The following ERICH6 variants were observed in gnomAD, a reference collection of about 807,000 sequenced individuals.
ERICH6 encodes glutamate-rich protein 6.
ERICH6 carries 71 observed loss-of-function variants against 71.0 expected under a neutral mutation model. The ratio of observed to expected loss-of-function variants is 1.00; its 90% CI spans 0.83 to 1.22. ERICH6 has a LOEUF of 1.22. ERICH6 is among the 50% of genes most tolerant of loss of function. The probability of loss-of-function intolerance (pLI) is 0.00; values close to 1 mark genes in which losing one functional copy is unlikely to be tolerated. For missense variants in ERICH6, 808 were observed against 797.2 expected (o/e 1.01, Z -0.16); for synonymous variants, 262 against 278.4 (o/e 0.94, Z 0.59).
intron 13 of ERICH6, among the ~76,000 whole-genome samples, chr3:150,664,266 A>C (rs1222653181): frequency 1.3e-5 from 2 of 152,182 alleles, no homozygotes; most frequent in Non-Finnish European, 2.9e-5. Context: ...ATAAATCTTC[A>C]ATACTTACTA....
At position 150,660,494 on chromosome 3, in the gene ERICH6, G is replaced by T. The variant is rs369142507; in HGVS notation, c.1729-339C>A. 1.8e-4 allele frequency among the ~76,000 whole-genome samples: 27 copies of T among 152,284 alleles called. No individual in the cohort carries two copies. In the South Asian group the frequency reaches 5.0e-3, roughly 28 times the overall value. On this transcript the variant is annotated intron_variant, in intron 13 of 13. Transcript: ENST00000295910. The stretch of plus-strand genomic sequence containing the variant: ...AGTGGGGGAGGTAGGGTGAGTGCTG[G>T]TCTGAAGGCTGGGTGCTCACTGGGA...
At chr3:150,702,982 G>A (rs1712969362) in intron 1 of ERICH6, among the ~76,000 whole-genome samples, 1 of 84,568 alleles carries the variant, frequency 1.2e-5, no homozygotes, top group Non-Finnish European at 2.5e-5. Context: ...GGAAGAGGGA[G>A]GGGAGGGGGA....
At position 150,671,079 on chromosome 3, in the gene ERICH6, A is replaced by G. The variant is rs1391806774; in HGVS notation, c.1344-1628T>C. ...GTTTGAGGCCAGCCTAGGCAACATA[A>G]TAGGATTCTGTCTCTAAAAACTTTA... On this transcript the variant is annotated intron_variant, in intron 11 of 13. Transcript: ENST00000295910. Among the ~76,000 whole-genome samples the G allele has an allele frequency of 2.0e-5, 3 of 152,176 alleles. No homozygotes were observed. In the East Asian group the frequency reaches 5.8e-4, roughly 29 times the overall value.
Position 150,659,935 on chromosome 3 carries a change from T to C in ERICH6, c.1949A>G (p.Asp650Gly). 1 of 1,611,480 alleles carries C rather than the reference T, an allele frequency of 6.2e-7. No homozygotes were observed. Among genetic ancestry groups the C allele is most frequent in the Non-Finnish European group, 8.5e-7 (1 of 1,177,576 alleles). ...ALCHSSGIKQ[D>G]IMKTIRNIIN... ...TATATTTCTTATTGTCTTCATTATA[T>C]CTTGCTTTATACCAGAACTGTGACA... Residue 650 changes from aspartate to glycine, a missense_variant, in exon 14 of 14, where the codon GAT becomes GGT. Around this residue, in one of 3 missense-constraint regions of ERICH6, gnomAD observed 736 missense variants for 712.2 expected, o/e 1.03. Coordinates refer to ENST00000295910, the MANE Select transcript of ERICH6 (RefSeq NM_152394.5).
At chr3:150,674,411 G>A (rs1711572097) in intron 10 of ERICH6, among the ~76,000 whole-genome samples, 2 of 152,004 alleles carry the variant, frequency 1.3e-5, no homozygotes, top group African/African-American at 4.8e-5. Flanking sequence ...GCATGAGTCT[G>A]TTTCTGAACT....
At chr3:150,671,862 T>A (rs1711504261) in intron 11 of ERICH6, among the ~76,000 whole-genome samples, 1 of 152,180 alleles carries the variant, frequency 6.6e-6, no homozygotes, top group Non-Finnish European at 1.5e-5. Flanking sequence ...ATTGCTGAGC[T>A]CATGCGATCT....
chr3:150,697,981 T>C (rs1038403533), intron 3 of ERICH6, among the ~76,000 whole-genome samples: 1 of 152,148 alleles, frequency 6.6e-6, no homozygotes, highest in Non-Finnish European at 1.5e-5. Flanking sequence ...TCCTGTGAGA[T>C]TGTCCTGGCT....
At chr3:150,703,413 GA>G in intron 1 of ERICH6, 82 bp downstream of exon 1, 2 of 1,457,206 alleles carry the variant, frequency 1.4e-6, no homozygotes, top group Non-Finnish European at 9.0e-7. Flanking sequence ...GCAGGTCGAC[GA>G]AGGCACCACC....
chr3:150,700,229 C>A (rs1712816431), intron 2 of ERICH6, among the ~76,000 whole-genome samples: 1 of 149,166 alleles, frequency 6.7e-6, no homozygotes, highest in Admixed American at 6.7e-5. Flanking sequence ...CGTCCGCCAC[C>A]ATGCCCGGCT....
At chr3:150,701,130 A>G (rs1399451138) in intron 2 of ERICH6, among the ~76,000 whole-genome samples, 5 of 152,192 alleles carry the variant, frequency 3.3e-5, no homozygotes, top group Admixed American at 3.3e-4. Flanking sequence ...TTATCATTTC[A>G]TATAGTTTGT....
rs145038507 is a variant in ERICH6 at position 150,662,940 on chromosome 3, G to A, written c.1729-2785C>T. ...ACAGGAACATGCCTGATATTTTCAA[G>A]GAATAGCAAAAAGGCCAGTATGGCT... On this transcript the variant is annotated intron_variant, in intron 13 of 13. Coordinates refer to ENST00000295910, the MANE Select transcript of ERICH6 (RefSeq NM_152394.5). 1.1e-4 allele frequency among the ~76,000 whole-genome samples: 16 copies of A among 152,202 alleles called. No individual in the cohort carries two copies. The East Asian group carries it at 2.9e-3, about 28-fold the overall frequency.
chr3:150,684,384 T>G (rs565762933), intron 6 of ERICH6, among the ~76,000 whole-genome samples: 72 of 152,334 alleles, frequency 4.7e-4, no homozygotes, highest in Non-Finnish European at 8.1e-4. Context: ...CTCAAAGTGC[T>G]GTACAAAATA....
At chr3:150,681,043 G>A (rs1244968283) in intron 7 of ERICH6, 113 bp from the exon 8 acceptor site, 1 of 1,085,714 alleles carries the variant, frequency 9.2e-7, no homozygotes, top group East Asian at 2.5e-5. Flanking sequence ...TTTTATTCTG[G>A]TAATAGCTTT....
intron 10 of ERICH6, 91 bp downstream of exon 10, chr3:150,678,318 T>C: frequency 7.9e-7 from 1 of 1,265,884 alleles, no homozygotes; most frequent in Non-Finnish European, 1.1e-6. Flanking sequence ...GTTAAATGCA[T>C]CATGTAGCCA....
Position 150,680,934 on chromosome 3 carries a change from G to C in ERICH6, c.883-4C>G. Reference sequence around the variant, plus strand: ...GGAAAGCAATACAACAGGAGGCCTGGAAAACACAGAAGTTACTCTCATCTC... The same window carrying C: ...GGAAAGCAATACAACAGGAGGCCTGCAAAACACAGAAGTTACTCTCATCTC... On this transcript the variant is annotated splice_region_variant and splice_polypyrimidine_tract_variant and intron_variant, in intron 7 of 13. Coordinates refer to ENST00000295910, the MANE Select transcript of ERICH6 (RefSeq NM_152394.5). The C allele has an allele frequency of 6.2e-7, 1 of 1,604,262 alleles. No homozygotes were observed. Among genetic ancestry groups the C allele is most frequent in the East Asian group, 2.2e-5 (1 of 44,834 alleles).
chr3:150,675,881 G>A (rs1285083167), intron 10 of ERICH6, among the ~76,000 whole-genome samples: 3 of 136,936 alleles, frequency 2.2e-5, no homozygotes, highest in South Asian at 4.8e-4. Context: ...TTGGTCTTTG[G>A]TTTTCTGCAG....
In ERICH6 at chr3:150,678,507, G is replaced by T. The variant is rs1711750154; in HGVS notation, c.1159C>A (p.Pro387Thr). 8.7e-6 allele frequency: 14 copies of T among 1,602,148 alleles called. No homozygotes were observed. The highest frequency in any genetic ancestry group is 1.2e-5 in the Non-Finnish European group (14 of 1,176,874). Residue 387 changes from proline to threonine, a missense_variant, in exon 10 of 14, where the codon CCA becomes ACA. Pro to Thr is a conservative substitution (Grantham distance 38). Coordinates refer to ENST00000295910, the MANE Select transcript of ERICH6 (RefSeq NM_152394.5). ...TISYQLSVDI[P>T]EKQIIDDIVF... ...ATGTCATCAATTATCTGTTTTTCTG[G>T]AATATCCACAGAAAGTTGATAAGAA... is the stretch of plus-strand genomic sequence containing the variant.
chr3:150,689,263 G>A (rs73004847), intron 3 of ERICH6, among the ~76,000 whole-genome samples: 8,265 of 152,154 alleles, frequency 0.054, 363 homozygotes, highest in African/African-American at 0.11. Context: ...CATGACAATA[G>A]AAGGCAGGTA....
intron 6 of ERICH6, among the ~76,000 whole-genome samples, chr3:150,684,772 T>G (rs1712109835): frequency 6.6e-6 from 1 of 152,082 alleles, no homozygotes; most frequent in African/African-American, 2.4e-5. Flanking sequence ...GTTTCCAGGT[T>G]TTGTTCTTTT....
Sources: gnomAD v4.1 joint callset for allele counts (sites outside exome capture counted in the v4.1 genomes callset) on GRCh38, gnomAD v4.1.1 for gene constraint, gnomAD v4.1.1 regional missense constraint, MANE v1.5 for transcripts, NCBI Gene and HGNC (gene_info 2026-07-23, HGNC 2026-07-21) for gene names.